Variants in AFF1 observed in about 807,000 individuals in gnomAD.
The protein encoded by AFF1 is AF4/FMR2 family member 1.
Under a neutral mutation model 121.7 loss-of-function variants are expected in AFF1, and 48 were observed. That is an observed-to-expected ratio of 0.39 (90% CI 0.31 to 0.50). AFF1 has a LOEUF of 0.50. AFF1 is among the 20% of genes least tolerant of loss of function. AFF1 has a pLI of 0.76. For synonymous variants in AFF1, 613 were observed against 563.0 expected (o/e 1.09, Z -1.26); for missense variants, 1,523 against 1,511.7 (o/e 1.01, Z -0.12).
At chr4:87,135,368 A>T (rs1346710477) in intron 20 of AFF1, among the ~76,000 whole-genome samples, 2 of 152,166 alleles carry the variant, frequency 1.3e-5, no homozygotes, top group Non-Finnish European at 2.9e-5. Context: ...CCATTGTGCT[A>T]AGCATTATGG....
chr4:86,983,081 G>C (rs1173053928), intron 2 of AFF1, among the ~76,000 whole-genome samples: 1 of 152,014 alleles, frequency 6.6e-6, no homozygotes, highest in Non-Finnish European at 1.5e-5. Flanking sequence ...GTTAGACTAA[G>C]ACACAAAGAA....
In AFF1 at chr4:86,993,946, CAG is replaced by C. The variant is rs1724919140; in HGVS notation, c.38+45378_38+45379del. Among the ~76,000 whole-genome samples, 7 of 133,620 alleles carry C rather than the reference CAG, an allele frequency of 5.2e-5. No homozygotes were observed. In the South Asian group the frequency reaches 1.6e-3, roughly 30 times the overall value. 87.7% of individuals were successfully genotyped at this position (133,620 alleles called of 152,430 possible). A position where few individuals can be genotyped will look rare whatever the true frequency, so the allele number is the denominator to read the frequency against. ...TGCCATTTCACTCCAGCCTGGGAGA[CAG>C]AGCGAGACTCCGTCTTAAAAAATAA... is the stretch of plus-strand genomic sequence containing the variant. On this transcript the variant is annotated intron_variant, in intron 2 of 20. Transcript: ENST00000395146.
chr4:87,122,533 C>A, intron 12 of AFF1, among the ~76,000 whole-genome samples: 1 of 152,122 alleles, frequency 6.6e-6, no homozygotes, highest in East Asian at 1.9e-4. Flanking sequence ...GGAGAAACAG[C>A]TGTGTAGAAT....
At chr4:87,126,409 T>C in intron 14 of AFF1, 73 bp downstream of exon 14, 1 of 1,409,464 alleles carries the variant, frequency 7.1e-7, no homozygotes, top group Admixed American at 1.7e-5. Context: ...AGAAGACAAG[T>C]TGCTAGTGAT....
chr4:86,957,508 A>G (rs945674759), intron 2 of AFF1, among the ~76,000 whole-genome samples: 5 of 152,144 alleles, frequency 3.3e-5, no homozygotes, highest in African/African-American at 4.8e-5. Flanking sequence ...ACTGTGGGGA[A>G]TGCTGGGGCA....
chr4:87,022,580 A>ATATATCTATC (rs1399457511), intron 2 of AFF1, among the ~76,000 whole-genome samples: 11 of 89,310 alleles, frequency 1.2e-4, no homozygotes, highest in African/African-American at 5.8e-4. Flanking sequence ...ATATATATAT[A>ATATATCTATC]TATCTATCTA....
chr4:87,065,655 A>G (rs1326616990), intron 4 of AFF1, among the ~76,000 whole-genome samples: 1 of 152,214 alleles, frequency 6.6e-6, no homozygotes, highest in East Asian at 1.9e-4. Context: ...TCATGGAGGA[A>G]AGACTGGTTA....
At chr4:87,110,534 T>A in intron 11 of AFF1, among the ~76,000 whole-genome samples, 1 of 151,886 alleles carries the variant, frequency 6.6e-6, no homozygotes, top group East Asian at 1.9e-4. Context: ...CTTCCAATCC[T>A]CTGGTAACCA....
At chr4:87,076,855 C>A (rs554059833) in intron 4 of AFF1, among the ~76,000 whole-genome samples, 114 of 152,326 alleles carry the variant, frequency 7.5e-4, no homozygotes, top group South Asian at 1.2e-3. Flanking sequence ...CACACCCAGG[C>A]AGTATGAGCA....
At position 86,938,276 on chromosome 4, in the gene AFF1, C is replaced by T. The variant is rs142891373; in HGVS notation, c.-37+3036C>T. Among the ~76,000 whole-genome samples, 637 of 151,960 alleles carry T rather than the reference C, an allele frequency of 4.2e-3. 7 individuals carry two copies. Among genetic ancestry groups the T allele is most frequent in the African/African-American group, 0.015 (605 of 41,458 alleles). On this transcript the variant is annotated intron_variant, in intron 1 of 20. Coordinates refer to ENST00000395146, the MANE Select transcript of AFF1 (RefSeq NM_001166693.3). ...ACCAGCCTGACCAATATGGGGAAAC[C>T]CCATCTCTACTAAAAATACAAAAAG... is the stretch of plus-strand genomic sequence containing the variant.
intron 2 of AFF1, among the ~76,000 whole-genome samples, chr4:87,034,287 A>G (rs1194218081): frequency 6.6e-6 from 1 of 152,214 alleles, no homozygotes; most frequent in Non-Finnish European, 1.5e-5. Context: ...GAAGGATGCT[A>G]GATCTCGGAA....
intron 11 of AFF1, 29 bp downstream of exon 11, chr4:87,108,344 C>G: frequency 6.2e-7 from 1 of 1,605,746 alleles, no homozygotes. Flanking sequence ...AGATGGCCAC[C>G]TTAGATGGCA....
At chr4:87,034,778 G>T (rs541860219) in intron 2 of AFF1, among the ~76,000 whole-genome samples, 1 of 144,798 alleles carries the variant, frequency 6.9e-6, no homozygotes, top group African/African-American at 2.6e-5. Context: ...ATGGGTAAAA[G>T]AATTTGGTAA....
At chr4:86,994,448 A>G (rs1191276459) in intron 2 of AFF1, among the ~76,000 whole-genome samples, 2 of 152,264 alleles carry the variant, frequency 1.3e-5, no homozygotes, top group Non-Finnish European at 2.9e-5. Context: ...GTGTAATGAG[A>G]GAACCCCAGA....
At chr4:87,125,210 A>G in intron 13 of AFF1, 67 bp downstream of exon 13, 1 of 1,222,110 alleles carries the variant, frequency 8.2e-7, no homozygotes, top group South Asian at 1.8e-5. Context: ...TGACATAGCA[A>G]AGAAATTTTT....
chr4:87,088,491 A>G lies in AFF1; in HGVS notation c.1105-1493A>G, dbSNP rs1456417114. Among the ~76,000 whole-genome samples, 4 of 152,178 alleles carry G rather than the reference A, an allele frequency of 2.6e-5. No homozygotes were observed. The East Asian group carries it at 7.7e-4, about 29-fold the overall frequency. On this transcript the variant is annotated intron_variant, in intron 5 of 20. Coordinates refer to ENST00000395146, the MANE Select transcript of AFF1 (RefSeq NM_001166693.3). Reference sequence around the variant, plus strand: ...AGGATCAAATGGCATTTTTGTGGAGATAGGTTAGCCAGGACTTAGAAAAGA... The same window carrying G: ...AGGATCAAATGGCATTTTTGTGGAGGTAGGTTAGCCAGGACTTAGAAAAGA...
intron 20 of AFF1, 137 bp from the exon 21 acceptor site, chr4:87,135,443 T>C (rs759091625): frequency 4.5e-6 from 4 of 890,772 alleles, no homozygotes; most frequent in Non-Finnish European, 6.4e-6. Flanking sequence ...TACAGTAGAT[T>C]GTGATTTTTT....
chr4:86,965,503 C>T (rs997334087), intron 2 of AFF1, among the ~76,000 whole-genome samples: 4 of 152,112 alleles, frequency 2.6e-5, no homozygotes, highest in Non-Finnish European at 4.4e-5. Flanking sequence ...GAGGGAATTC[C>T]CCCTCTTCAT....
chr4:87,115,341 C>G, intron 12 of AFF1, 42 bp downstream of exon 12: 1 of 1,492,382 alleles, frequency 6.7e-7, no homozygotes, highest in South Asian at 1.3e-5. Flanking sequence ...GTGGACCATC[C>G]TTGCTGTTGG....
Sources: allele counts gnomAD v4.1 joint callset (sites outside exome capture counted in the v4.1 genomes callset), GRCh38; gene constraint gnomAD v4.1.1; transcripts MANE v1.5; gene names NCBI Gene and HGNC (gene_info 2026-07-23, HGNC 2026-07-21).